The following CADPS variants were observed in gnomAD, a reference collection of about 807,000 sequenced individuals.
CADPS encodes calcium-dependent secretion activator 1.
A neutral mutation model predicts 167.3 loss-of-function variants in CADPS; 57 were observed. That is an observed-to-expected ratio of 0.34 (90% CI 0.28 to 0.42). CADPS has a LOEUF of 0.42. Ranked by LOEUF, CADPS falls within the 20% of genes least tolerant of loss-of-function variation. CADPS has a pLI of 1.00. For missense variants in CADPS, 1,414 were observed against 1,738.1 expected, an observed-to-expected ratio of 0.81 and a Z score of 3.32; for synonymous variants, 676 against 635.3, an observed-to-expected ratio of 1.06 and a Z score of -0.96.
Position 62,478,174 on chromosome 3 carries a change from C to A in CADPS, c.3329+87G>T. On this transcript the variant is annotated intron_variant, in intron 23 of 29. Coordinates refer to ENST00000383710, the MANE Select transcript of CADPS (RefSeq NM_003716.4). This position sits in a 1 kb window ranked among gnomAD's most constrained non-coding sequence, Gnocchi z 5.7. ...TTCTCCAATTAGTTTCAAACTACAG[C>A]CAATTGAAAGAGCAGCCATCTACCC... 1 of 1,410,008 alleles carries A rather than the reference C, an allele frequency of 7.1e-7. No homozygotes were observed. The highest frequency in any genetic ancestry group is 1.3e-5 in the South Asian group (1 of 78,140). 87.3% of individuals were successfully genotyped at this position (1,410,008 alleles called of 1,614,324 possible). A position where few individuals can be genotyped will look rare whatever the true frequency, so the allele number is the denominator to read the frequency against.
intron 3 of CADPS, among the ~76,000 whole-genome samples, chr3:62,732,885 G>A (rs2078201651): frequency 6.6e-6 from 1 of 152,196 alleles, no homozygotes; most frequent in Non-Finnish European, 1.5e-5. Context: ...AGGGTAAGAA[G>A]TTGCCAAGGG....
intron 21 of CADPS, among the ~76,000 whole-genome samples, chr3:62,486,004 A>G (rs1432858171): frequency 1.3e-5 from 2 of 152,162 alleles, no homozygotes; most frequent in African/African-American, 4.8e-5. Flanking sequence ...TGTCTATTTG[A>G]CACCAGGCCA....
At chr3:62,624,378 G>A (rs2149531577) in intron 6 of CADPS, among the ~76,000 whole-genome samples, 1 of 152,120 alleles carries the variant, frequency 6.6e-6, no homozygotes, top group South Asian at 2.1e-4. Flanking sequence ...CTGTTGGTGA[G>A]TTGCATCAGA....
chr3:62,549,181 ATTACT>A lies in CADPS; in HGVS notation c.1966+717_1966+721del, dbSNP rs370339123. On this transcript the variant is annotated intron_variant, in intron 11 of 29. Coordinates refer to ENST00000383710, the MANE Select transcript of CADPS (RefSeq NM_003716.4). ...GAATGAATGTTTGGAACGAAAATGA[ATTACT>A]TTATTTCTCCATTTTCTTTGTTTTA... Among the ~76,000 whole-genome samples the A allele has an allele frequency of 1.6e-3, 241 of 152,354 alleles. 2 individuals are homozygous for A. The highest frequency in any genetic ancestry group is 5.5e-3 in the African/African-American group (229 of 41,586).
intron 21 of CADPS, among the ~76,000 whole-genome samples, chr3:62,483,553 G>C (rs1168740407): frequency 6.6e-6 from 1 of 152,156 alleles, no homozygotes; most frequent in African/African-American, 2.4e-5. Flanking sequence ...TTCTGTAAGG[G>C]AAACAGGTGT....
At chr3:62,513,764 G>T in intron 16 of CADPS, 4 of 1,133,264 alleles carry the variant, frequency 3.5e-6, no homozygotes, top group South Asian at 2.6e-5. Flanking sequence ...GAGGTTAAAG[G>T]TCATAGGTTA....
At chr3:62,779,249 G>A (rs998719425) in intron 1 of CADPS, 5 of 327,532 alleles carry the variant, frequency 1.5e-5, no homozygotes, top group African/African-American at 1.1e-4. Context: ...GCTTCCAAAG[G>A]AGGTACTGCC....
chr3:62,511,180 A>G (rs916121704), intron 17 of CADPS, among the ~76,000 whole-genome samples: 6 of 152,184 alleles, frequency 3.9e-5, no homozygotes, highest in Non-Finnish European at 8.8e-5. Context: ...TTTCAAGTTA[A>G]GAAATTTTGA....
intron 2 of CADPS, among the ~76,000 whole-genome samples, chr3:62,764,530 G>T (rs539737386): frequency 1.3e-5 from 2 of 152,336 alleles, no homozygotes; most frequent in Admixed American, 6.5e-5. Context: ...ACATCACAAA[G>T]ATTGTTTACT....
chr3:62,787,832 T>C (rs1316029303), intron 1 of CADPS, among the ~76,000 whole-genome samples: 2 of 152,200 alleles, frequency 1.3e-5, no homozygotes, highest in African/African-American at 2.4e-5. Context: ...TAATATGTGA[T>C]GTTGTAGCTC....
At chr3:62,861,809 A>C (rs2080852215) in intron 1 of CADPS, among the ~76,000 whole-genome samples, 1 of 152,142 alleles carries the variant, frequency 6.6e-6, no homozygotes. Flanking sequence ...TTTCTATCCA[A>C]TACTGGAATC....
intron 3 of CADPS, among the ~76,000 whole-genome samples, chr3:62,719,883 T>A (rs1005868232): frequency 2.0e-5 from 3 of 152,208 alleles, no homozygotes; most frequent in African/African-American, 7.2e-5. Context: ...CTATGAGTTG[T>A]GAACAGAAGT....
chr3:62,824,716 C>T (rs1381232387), intron 1 of CADPS, among the ~76,000 whole-genome samples: 1 of 152,072 alleles, frequency 6.6e-6, no homozygotes, highest in Non-Finnish European at 1.5e-5. Flanking sequence ...ATAAAGTCTG[C>T]AGTTTATTCT....
rs1349407956 is a variant in CADPS at position 62,847,426 on chromosome 3, C to G, written c.441+27163G>C. The stretch of plus-strand genomic sequence containing the variant: ...TATATCTCCCAATGCTATCCCTCCC[C>G]CCTCCCCCCACCCCACCACAGTCCC... On this transcript the variant is annotated intron_variant, in intron 1 of 29. Coordinates refer to ENST00000383710, the MANE Select transcript of CADPS (RefSeq NM_003716.4). 4.6e-3 allele frequency among the ~76,000 whole-genome samples: 272 copies of G among 58,910 alleles called. 5 individuals are homozygous for G. The highest frequency in any genetic ancestry group is 0.016 in the African/African-American group (238 of 15,036). The allele number at this position is 58,910 out of a possible 152,430, so 38.6% of individuals were successfully genotyped here. A position where few individuals can be genotyped will look rare whatever the true frequency, so the allele number is the denominator to read the frequency against.
At chr3:62,711,535 C>T (rs1374612020) in intron 3 of CADPS, among the ~76,000 whole-genome samples, 1 of 152,164 alleles carries the variant, frequency 6.6e-6, no homozygotes, top group Non-Finnish European at 1.5e-5. Flanking sequence ...AAGTTCTTGT[C>T]TAATTGCTAT....
intron 2 of CADPS, among the ~76,000 whole-genome samples, chr3:62,762,262 CAATA>C (rs1418634982): frequency 2.0e-5 from 3 of 152,078 alleles, no homozygotes; most frequent in Non-Finnish European, 4.4e-5. Flanking sequence ...TAAGAAATAA[CAATA>C]AAAAGTAATA....
At chr3:62,853,923 T>C (rs995559541) in intron 1 of CADPS, among the ~76,000 whole-genome samples, 4 of 152,046 alleles carry the variant, frequency 2.6e-5, no homozygotes, top group Admixed American at 2.0e-4. Context: ...TCCACAGCAC[T>C]CCAGCCTGGG....
chr3:62,479,784 G>A (rs958686013), intron 22 of CADPS, among the ~76,000 whole-genome samples: 20 of 152,242 alleles, frequency 1.3e-4, no homozygotes, highest in African/African-American at 4.3e-4. Context: ...CCTGGTGGGT[G>A]ATTGAGAATC....
At chr3:62,786,660 C>A (rs150562231) in intron 1 of CADPS, among the ~76,000 whole-genome samples, 228 of 150,388 alleles carry the variant, frequency 1.5e-3, no homozygotes, top group African/African-American at 5.2e-3. Context: ...AACACACACA[C>A]ATGCACATGT....
Sources: gnomAD v4.1 joint callset for allele counts (sites outside exome capture counted in the v4.1 genomes callset) on GRCh38, gnomAD v4.1.1 for gene constraint, Gnocchi (gnomAD v3.1) non-coding constraint, MANE v1.5 for transcripts, NCBI Gene and HGNC (gene_info 2026-07-23, HGNC 2026-07-21) for gene names.